ACY1: variants seen among roughly 807,000 people sequenced by gnomAD.
ACY1 encodes aminoacylase-1.
In ACY1, 38 loss-of-function variants were observed where a neutral mutation model predicts 53.3. The ratio of observed to expected loss-of-function variants is 0.71; its 90% confidence interval spans 0.55 to 0.93. The LOEUF is 0.93. Among genes scored for constraint, ACY1 ranks in the 40% least tolerant of loss-of-function variants. The pLI, the probability that ACY1 is intolerant of heterozygous loss-of-function variation, is 0.00. For missense variants in ACY1, 484 were observed against 540.9 expected, an observed-to-expected ratio of 0.89 and a Z score of 1.04; for synonymous variants, 177 against 202.1, an observed-to-expected ratio of 0.88 and a Z score of 1.05.
chr3:51,985,584 A>G, intron 4 of ACY1, 119 bp downstream of exon 4: 3 of 979,796 alleles, frequency 3.1e-6, no homozygotes, highest in Non-Finnish European at 4.7e-6. Flanking sequence ...CTAACTCTCA[A>G]CATCCTTATG....
In ACY1 at chr3:51,986,636, C is replaced by G. The variant is rs749245599; in HGVS notation, c.558C>G (p.Val186=). The part of the protein sequence containing the change: ...GIANPTDAFT[V]FYSERSPWWV... ...CCAATCCCACTGATGCCTTCACTGTCTTTTATAGTGAGCGGAGTCCCTGGT... is the reference window on the plus strand; with the variant it reads ...CCAATCCCACTGATGCCTTCACTGTGTTTTATAGTGAGCGGAGTCCCTGGT... Residue 186 remains valine (V), a synonymous_variant, in exon 8 of 15, where the codon GTC becomes GTG. Coordinates refer to ENST00000636358, the MANE Select transcript of ACY1 (RefSeq NM_000666.3). 11 of 1,614,038 alleles carry G rather than the reference C, an allele frequency of 6.8e-6. No individual in the cohort carries two copies. In the South Asian group the frequency reaches 1.2e-4, roughly 18 times the overall value.
rs777531172 is a variant in ACY1, at chr3:51,988,632, G to A, written c.1001+29G>A. On this transcript the variant is annotated intron_variant, in intron 13 of 14. Coordinates refer to ENST00000636358, the MANE Select transcript of ACY1 (RefSeq NM_000666.3). ...AGCACGCTGGCCAGCTCTCCTCACA[G>A]CCCAGCCCCCTACTCCTCTCCTTCC... 7.4e-6 allele frequency: 12 copies of A among 1,612,264 alleles called. No individual in the cohort carries two copies. The East Asian group carries it at 2.7e-4, about 36-fold the overall frequency.
chr3:51,987,818 A>T (rs1701128432), intron 12 of ACY1, 194 bp downstream of exon 12: 2 of 618,478 alleles, frequency 3.2e-6, no homozygotes, highest in Non-Finnish European at 5.7e-6. Flanking sequence ...GAGTAAAATT[A>T]GGCACAGTTC....
chr3:51,984,084 A>T lies in ACY1; in HGVS notation c.20A>T (p.Glu7Val), dbSNP rs1357450467. MTSKGPEEEHPSVTLFR... is the reference protein window; with the variant it reads MTSKGPVEEHPSVTLFR... ...AGCGCCATGACCAGCAAGGGTCCCG[A>T]GGAGGAGCACCCATCGGTGACGCTC... Residue 7 changes from glutamate to valine, a missense_variant, in exon 2 of 15, where the codon GAG (glutamate) becomes GTG (valine). Transcript: ENST00000636358. The T allele has an allele frequency of 1.2e-6, 2 of 1,613,562 alleles. No homozygotes were observed. Among genetic ancestry groups the T allele is most frequent in the Admixed American group, 1.7e-5 (1 of 60,004 alleles).
Position 51,984,019 on chromosome 3 carries a change from G to T in ACY1, c.-18-28G>T, listed in dbSNP as rs200156498. 9.2e-6 allele frequency: 14 copies of T among 1,525,192 alleles called. No homozygotes were observed. The East Asian group carries it at 2.0e-4, about 22-fold the overall frequency. The allele number at this position is 1,525,192 out of a possible 1,614,324, so 94.5% of individuals were successfully genotyped here. A position where few individuals can be genotyped will look rare whatever the true frequency, so the allele number is the denominator to read the frequency against. ...CTCACCATTTCCAGGGTCTTGGAGGGGTAGTTAGCCATTCACTTTGCCCCC... is the reference window on the plus strand; with the variant it reads ...CTCACCATTTCCAGGGTCTTGGAGGTGTAGTTAGCCATTCACTTTGCCCCC... On this transcript the variant is annotated intron_variant, in intron 1 of 14. Transcript: ENST00000636358.
intron 12 of ACY1, chr3:51,988,166 G>A (rs980435056): frequency 1.8e-5 from 7 of 391,224 alleles, no homozygotes; most frequent in African/African-American, 1.0e-4. Context: ...GCGCCCAGCC[G>A]TACTTTCATA....
Position 51,985,913 on chromosome 3 carries a change from G to C in ACY1, c.326G>C (p.Arg109Thr), listed in dbSNP as rs772602624. 1 of 1,613,218 alleles carries C rather than the reference G, an allele frequency of 6.2e-7. No homozygotes were observed. The highest frequency in any genetic ancestry group is 2.2e-5 in the East Asian group (1 of 44,856). Residue 109 changes from arginine (R) to threonine (T), a missense_variant, in exon 5 of 15, where the codon AGG becomes ACG. Physicochemically the swap from Arg to Thr is moderately conservative, Grantham distance 71. Transcript: ENST00000636358. ...FKDSEGYIYA[R>T]GAQDMKCVSI... ...GATTCTGAGGGCTACATCTATGCCAGGGGTGCCCAGGACATGAAGTGCGTC... is the reference window on the plus strand; with the variant it reads ...GATTCTGAGGGCTACATCTATGCCACGGGTGCCCAGGACATGAAGTGCGTC...
At chr3:51,987,277 G>T in intron 10 of ACY1, 32 bp from the exon 11 acceptor site, 1 of 1,614,076 alleles carries the variant, frequency 6.2e-7, no homozygotes, top group Non-Finnish European at 8.5e-7. Flanking sequence ...TCTTTTATCT[G>T]TTGCTGCCGC....
At chr3:51,987,122 C>T (rs377708241) in intron 9 of ACY1, 25 bp from the exon 10 acceptor site, 1 of 1,614,002 alleles carries the variant, frequency 6.2e-7, no homozygotes, top group African/African-American at 1.3e-5. Context: ...AGGCCACTGT[C>T]CCATTTAACC....
At chr3:51,986,795 C>T in intron 8 of ACY1, 134 bp downstream of exon 8, 2 of 1,323,772 alleles carry the variant, frequency 1.5e-6, no homozygotes, top group Admixed American at 1.8e-5. Context: ...TACCTCCCAG[C>T]TCTTTCCTAT....
At chr3:51,984,281 A>T (rs1361502835) in intron 2 of ACY1, 123 bp downstream of exon 2, 2 of 856,642 alleles carry the variant, frequency 2.3e-6, no homozygotes, top group African/African-American at 1.7e-5. Context: ...TGGCTCCCCA[A>T]CCCCTCCAGC....
In ACY1 at chr3:51,983,595, G is replaced by A. The variant is rs1438549250; in HGVS notation, c.-19+6G>A. 1 of 231,948 alleles carries A rather than the reference G, an allele frequency of 4.3e-6. No individual in the cohort carries two copies. The highest frequency in any genetic ancestry group is 1.2e-4 in the East Asian group (1 of 8,446). The allele number at this position is 231,948 out of a possible 1,614,324, so 14.4% of individuals were successfully genotyped here. On this transcript the variant is annotated splice_donor_region_variant and intron_variant, in intron 1 of 14. Coordinates refer to ENST00000636358, the MANE Select transcript of ACY1 (RefSeq NM_000666.3). ...CCCAGCGACAGGAGAGTGAGGTGGG[G>A]GCCCTGGGGAGGGATAGAGGGACTG...
chr3:51,983,961 G>A, intron 1 of ACY1, 86 bp from the exon 2 acceptor site: 2 of 987,630 alleles, frequency 2.0e-6, no homozygotes, highest in Non-Finnish European at 3.2e-6. Context: ...GGGAAGTCCG[G>A]GAGCCGCCGT....
chr3:51,988,029 C>G (rs11924757), intron 12 of ACY1: 5 of 297,514 alleles, frequency 1.7e-5, no homozygotes, highest in African/African-American at 1.1e-4. Flanking sequence ...CCACGCCCAG[C>G]TAATTTTTGC....
chr3:51,987,254 A>T, intron 10 of ACY1, 55 bp from the exon 11 acceptor site: 3 of 1,613,996 alleles, frequency 1.9e-6, no homozygotes, highest in Non-Finnish European at 2.5e-6. Context: ...CAGAGGATAG[A>T]GTCTGAGCCA....
At position 51,986,085 on chromosome 3, in the gene ACY1, T is replaced by C. The variant is rs1360451344; in HGVS notation, c.359+139T>C. 1.4e-5 allele frequency: 15 copies of C among 1,071,312 alleles called. No homozygotes were observed. The Admixed American group carries it at 1.6e-4, about 11-fold the overall frequency. The allele number at this position is 1,071,312 out of a possible 1,614,324, so 66.4% of individuals were successfully genotyped here. On this transcript the variant is annotated intron_variant, in intron 5 of 14. Coordinates refer to ENST00000636358, the MANE Select transcript of ACY1 (RefSeq NM_000666.3). ...TGGACAGGAACTACTGCCATGACCA[T>C]TGCATGGATAGGGAGATTCAGACCA...
At chr3:51,986,873 G>A in intron 8 of ACY1, 115 bp from the exon 9 acceptor site, 1 of 1,309,544 alleles carries the variant, frequency 7.6e-7, no homozygotes, top group South Asian at 1.2e-5. Flanking sequence ...CCTGAGTGGG[G>A]ACAGGACCCT....
intron 12 of ACY1, chr3:51,987,959 G>A (rs1701132240): frequency 9.1e-6 from 3 of 329,334 alleles, no homozygotes; most frequent in South Asian, 6.0e-5. Context: ...TCCGCCTCCC[G>A]GGTTCAAGCA....
Position 51,986,497 on chromosome 3 carries a change from G to A in ACY1, c.519G>A (p.Leu173=). ...EFHALRAGFA[L]DEGIANPTDA... is the part of the protein sequence containing the mutation. ...ACGCCCTGAGGGCAGGCTTTGCCCT[G>A]GATGAGGGTGAGCAGGTTGGCAAGC... Residue 173 remains leucine (L), a synonymous_variant, in exon 7 of 15, where the codon CTG becomes CTA. Coordinates refer to ENST00000636358, the MANE Select transcript of ACY1 (RefSeq NM_000666.3). 6.2e-7 allele frequency: 1 copy of A among 1,614,132 alleles called. No individual in the cohort carries two copies. The highest frequency in any genetic ancestry group is 8.5e-7 in the Non-Finnish European group (1 of 1,180,002).
Sources: gnomAD v4.1 joint callset for allele counts on GRCh38, gnomAD v4.1.1 for gene constraint, MANE v1.5 for transcripts, NCBI Gene and HGNC (gene_info 2026-07-23, HGNC 2026-07-21) for gene names.